The following PLPPR1 variants were observed in gnomAD, a reference collection of about 807,000 sequenced individuals.
PLPPR1 encodes the protein phospholipid phosphatase related 1, also known as phospholipid phosphatase-related protein type 1.
In PLPPR1, 10 loss-of-function variants were observed where a neutral mutation model predicts 33.1. The observed-to-expected ratio is 0.30, with a 90% CI of 0.19 to 0.51. PLPPR1 has a LOEUF of 0.51. Ranked by LOEUF, PLPPR1 falls within the 20% of genes least tolerant of loss-of-function variation. The pLI is 0.97. For synonymous variants in PLPPR1, 151 were observed against 151.0 expected, an observed-to-expected ratio of 1.00 and a Z score of 0.00; for missense variants, 304 against 408.1, an observed-to-expected ratio of 0.74 and a Z score of 2.20.
intron 1 of PLPPR1, among the ~76,000 whole-genome samples, chr9:101,151,105 G>A (rs1427090111): frequency 6.6e-6 from 1 of 151,930 alleles, no homozygotes; most frequent in Admixed American, 6.6e-5. Context: ...TTAAGCAAAG[G>A]TCCAGATGGC....
intron 1 of PLPPR1, among the ~76,000 whole-genome samples, chr9:101,087,943 T>G (rs555124544): frequency 7.2e-5 from 11 of 152,338 alleles, no homozygotes; most frequent in African/African-American, 2.6e-4. Flanking sequence ...TAGATGTATC[T>G]CTGTCTCTCT....
At chr9:101,293,038 G>A (rs986535501) in intron 4 of PLPPR1, among the ~76,000 whole-genome samples, 4 of 152,142 alleles carry the variant, frequency 2.6e-5, no homozygotes, top group Non-Finnish European at 4.4e-5. Context: ...ACCCATCAGT[G>A]TGCTGTATTC....
intron 1 of PLPPR1, among the ~76,000 whole-genome samples, chr9:101,031,939 G>A (rs966823196): frequency 6.6e-6 from 1 of 152,152 alleles, no homozygotes; most frequent in African/African-American, 2.4e-5. Context: ...GATATGCTCA[G>A]AATGCCATGG....
At chr9:101,283,135 C>G (rs1257716828) in intron 3 of PLPPR1, among the ~76,000 whole-genome samples, 2 of 152,080 alleles carry the variant, frequency 1.3e-5, no homozygotes, top group African/African-American at 4.8e-5. Flanking sequence ...CCACACCCAG[C>G]TATCAATGAT....
chr9:101,289,252 T>G (rs914301123), intron 4 of PLPPR1, among the ~76,000 whole-genome samples: 1 of 152,236 alleles, frequency 6.6e-6, no homozygotes, highest in African/African-American at 2.4e-5. Flanking sequence ...TGTTTACCAA[T>G]CCCATCAACT....
chr9:101,165,954 C>T (rs1474831777), intron 1 of PLPPR1, among the ~76,000 whole-genome samples: 2 of 152,170 alleles, frequency 1.3e-5, no homozygotes, highest in East Asian at 1.9e-4. Flanking sequence ...TAGGAGTCTT[C>T]GGCCACTTTA....
intron 1 of PLPPR1, among the ~76,000 whole-genome samples, chr9:101,031,468 A>C (rs956932719): frequency 6.6e-6 from 1 of 152,222 alleles, no homozygotes; most frequent in African/African-American, 2.4e-5. Context: ...TCTGTATTGT[A>C]CTATGAGCTC....
chr9:101,208,510 C>A (rs1351354824), intron 2 of PLPPR1, among the ~76,000 whole-genome samples: 2 of 152,194 alleles, frequency 1.3e-5, no homozygotes, highest in Non-Finnish European at 2.9e-5. Flanking sequence ...ATTCTTTAAT[C>A]TTTATACTTC....
At chr9:101,193,159 GGTCT>G (rs1224354290) in intron 2 of PLPPR1, among the ~76,000 whole-genome samples, 1 of 152,084 alleles carries the variant, frequency 6.6e-6, no homozygotes, top group Non-Finnish European at 1.5e-5. Context: ...TAAGAAAATG[GGTCT>G]GGCACTGGAG....
chr9:101,183,385 G>A (rs913749707), intron 1 of PLPPR1, among the ~76,000 whole-genome samples: 5 of 151,744 alleles, frequency 3.3e-5, no homozygotes, highest in African/African-American at 7.2e-5. Context: ...AATATGCTAC[G>A]TGAAGAAATG....
intron 1 of PLPPR1, among the ~76,000 whole-genome samples, chr9:101,153,825 C>T (rs554084186): frequency 5.1e-4 from 77 of 151,792 alleles, no homozygotes; most frequent in African/African-American, 1.3e-3. Context: ...CCTCGTGATC[C>T]GCCCACCTCG....
intron 1 of PLPPR1, among the ~76,000 whole-genome samples, chr9:101,054,000 A>G (rs942469810): frequency 6.6e-6 from 1 of 152,130 alleles, no homozygotes; most frequent in Non-Finnish European, 1.5e-5. Context: ...CCTGGCCAAC[A>G]TAGTGAAACC....
intron 3 of PLPPR1, among the ~76,000 whole-genome samples, chr9:101,278,078 C>T (rs1430191372): frequency 1.3e-5 from 2 of 152,198 alleles, no homozygotes; most frequent in Non-Finnish European, 2.9e-5. Flanking sequence ...AGAGCCACAA[C>T]TAGCATATGT....
intron 3 of PLPPR1, among the ~76,000 whole-genome samples, chr9:101,281,381 T>C (rs1323999381): frequency 6.6e-6 from 1 of 152,022 alleles, no homozygotes; most frequent in Non-Finnish European, 1.5e-5. Flanking sequence ...ATACCAACGA[T>C]GTTCTTCAAA....
chr9:101,035,879 A>G (rs577230597), intron 1 of PLPPR1, among the ~76,000 whole-genome samples: 1 of 152,286 alleles, frequency 6.6e-6, no homozygotes, highest in African/African-American at 2.4e-5. Flanking sequence ...AACTGCAGCA[A>G]CTTACCTGAG....
At chr9:101,229,439 A>G (rs189810059) in intron 2 of PLPPR1, among the ~76,000 whole-genome samples, 1 of 152,108 alleles carries the variant, frequency 6.6e-6, no homozygotes, top group Non-Finnish European at 1.5e-5. Context: ...AAACCAATAC[A>G]TATAAAATGC....
chr9:101,077,659 C>T lies in PLPPR1; in HGVS notation c.-46+48557C>T, dbSNP rs192929667. Among the ~76,000 whole-genome samples the T allele has an allele frequency of 2.5e-3, 386 of 152,228 alleles. 1 individual carries two copies. The highest frequency in any genetic ancestry group is 3.4e-3 in the Non-Finnish European group (232 of 68,008). On this transcript the variant is annotated intron_variant, in intron 1 of 7. Transcript: ENST00000374874. Reference sequence around the variant, plus strand: ...GAGGGAGTGAAACTGCAGTGCATCACCACAGAGGCCTTAGACAATCCCACG... The same window carrying T: ...GAGGGAGTGAAACTGCAGTGCATCATCACAGAGGCCTTAGACAATCCCACG...
chr9:101,203,718 T>TTATATAGATATGTTATATATCTATCTATA (rs11274885), intron 2 of PLPPR1, among the ~76,000 whole-genome samples: 75,199 of 144,526 alleles, frequency 0.52, 20,691 homozygotes, highest in Non-Finnish European at 0.61. Flanking sequence ...TATATACACA[T>TTATATAGATATGTTATATATCTATCTATA]TATATAGATA....
intron 1 of PLPPR1, among the ~76,000 whole-genome samples, chr9:101,120,260 CCGTTGTTGTGAGTTCCTATTGT>C (rs1266270376): frequency 6.6e-6 from 1 of 152,200 alleles, no homozygotes; most frequent in African/African-American, 2.4e-5. Context: ...CCAATGGAAT[CCGTTGTTGTGAGTTCCTATTGT>C]TAGCCTTGAT....
Sources: gnomAD v4.1 joint callset for allele counts (sites outside exome capture counted in the v4.1 genomes callset) on GRCh38, gnomAD v4.1.1 for gene constraint, MANE v1.5 for transcripts, NCBI Gene and HGNC (gene_info 2026-07-23, HGNC 2026-07-21) for gene names.